The following CCSAP variants were observed in gnomAD, a reference collection of about 807,000 sequenced individuals.
CCSAP encodes centriole, cilia and spindle associated protein.
Under a neutral mutation model 25.9 loss-of-function variants are expected in CCSAP, and 17 were observed. The ratio of observed to expected loss-of-function variants is 0.66; its 90% CI spans 0.45 to 0.99. CCSAP has a LOEUF of 0.99. CCSAP is among the 50% of genes least tolerant of loss of function. The pLI is 0.00. For missense variants in CCSAP, 339 were observed against 367.8 expected (o/e 0.92, Z 0.64); for synonymous variants, 169 against 157.1 (o/e 1.08, Z -0.57).
intron 2 of CCSAP, among the ~76,000 whole-genome samples, chr1:229,341,191 C>T (rs1415859070): frequency 8.2e-5 from 5 of 60,796 alleles, no homozygotes; most frequent in Non-Finnish European, 1.6e-4. Flanking sequence ...GAGACTCCGT[C>T]TCAAAAAAAA....
In CCSAP at chr1:229,337,678, A is replaced by AAAAAAAAAAAAAAATATAT; in HGVS notation, c.367+4420_367+4421insATATATTTTTTTTTTTTTT. Among the ~76,000 whole-genome samples the AAAAAAAAAAAAAAATATAT allele has an allele frequency of 4.6e-4, 30 of 65,450 alleles. 1 individual carries two copies. The highest frequency in any genetic ancestry group is 1.2e-3 in the South Asian group (3 of 2,486). 42.9% of individuals were successfully genotyped at this position (65,450 alleles called of 152,430 possible). Reference sequence around the variant, plus strand: ...GAACAAGATCAAAGGCTCAAAAAAAAATATATATATATATATATATACACA... The same window carrying AAAAAAAAAAAAAAATATAT: ...GAACAAGATCAAAGGCTCAAAAAAAAAAAAAAAAAAAAAATATATATATATATATATATATATATACACA... On this transcript the variant is annotated intron_variant, in intron 2 of 3. Transcript: ENST00000284617.
chr1:229,340,834 G>A (rs1251555768), intron 2 of CCSAP, among the ~76,000 whole-genome samples: 1 of 152,114 alleles, frequency 6.6e-6, no homozygotes, highest in Non-Finnish European at 1.5e-5. Flanking sequence ...CTTGCAATCG[G>A]GTAAACAAAA....
chr1:229,342,493 C>A lies in CCSAP; in HGVS notation c.-28G>T. 7.6e-7 allele frequency: 1 copy of A among 1,317,900 alleles called. No homozygotes were observed. Among genetic ancestry groups the A allele is most frequent in the Non-Finnish European group, 9.7e-7 (1 of 1,028,666 alleles). 81.6% of individuals were successfully genotyped at this position (1,317,900 alleles called of 1,614,324 possible). A position where few individuals can be genotyped will look rare whatever the true frequency, so the allele number is the denominator to read the frequency against. ...TGCCGTCCGCCGCCTCGAGCGCCAG[C>A]CGCTCCTCGCTGCCCGCAGCCTACG... On this transcript the variant is annotated 5_prime_UTR_variant, in exon 2 of 4. Transcript: ENST00000284617. This position sits in a 1 kb window ranked among gnomAD's most constrained non-coding sequence, Gnocchi z 7.5.
At chr1:229,335,252 A>G (rs1468517118) in intron 2 of CCSAP, among the ~76,000 whole-genome samples, 3 of 152,164 alleles carry the variant, frequency 2.0e-5, no homozygotes, top group Non-Finnish European at 4.4e-5. Context: ...CCAGGAGGTC[A>G]ATGCTACAGA....
intron 2 of CCSAP, among the ~76,000 whole-genome samples, chr1:229,337,537 C>T (rs1419635459): frequency 6.7e-6 from 1 of 149,884 alleles, no homozygotes; most frequent in East Asian, 1.9e-4. Flanking sequence ...AGGAACAGGC[C>T]AAGCAAAAGG....
At chr1:229,336,535 G>A (rs1012487773) in intron 2 of CCSAP, among the ~76,000 whole-genome samples, 3 of 152,142 alleles carry the variant, frequency 2.0e-5, no homozygotes, top group East Asian at 1.9e-4. Context: ...CTCAAGAGAC[G>A]CTGGCAGGTA....
chr1:229,333,651 G>A (rs965945240), intron 2 of CCSAP, among the ~76,000 whole-genome samples: 7 of 151,956 alleles, frequency 4.6e-5, no homozygotes, highest in Non-Finnish European at 7.4e-5. Context: ...AAGCTGAGGC[G>A]GGTGCATAGC....
At position 229,332,354 on chromosome 1, in the gene CCSAP, T is replaced by C. The variant is rs191740166; in HGVS notation, c.368-5348A>G. ...CCTCAACCTGTGGGACCTGATGCTATCTCCAGGCAGACAGTGTCGGAACTG... is the reference window on the plus strand; with the variant it reads ...CCTCAACCTGTGGGACCTGATGCTACCTCCAGGCAGACAGTGTCGGAACTG... On this transcript the variant is annotated intron_variant, in intron 2 of 3. Transcript: ENST00000284617. Among the ~76,000 whole-genome samples, 34 of 151,912 alleles carry C rather than the reference T, an allele frequency of 2.2e-4. 1 individual carries two copies. The highest frequency in any genetic ancestry group is 8.0e-4 in the African/African-American group (33 of 41,186).
Position 229,340,685 on chromosome 1 carries a change from G to A in CCSAP, c.367+1414C>T, listed in dbSNP as rs146133589. The A allele has an allele frequency of 6.9e-4, 276 of 398,948 alleles. 3 individuals carry two copies. The East Asian group carries it at 8.2e-3, about 12-fold the overall frequency. 24.7% of individuals were successfully genotyped at this position (398,948 alleles called of 1,614,324 possible). ...GGGATTCACAAGTAACATCATGATG[G>A]GAGGAGGCAGCCCTGCCTCCGATGA... On this transcript the variant is annotated intron_variant, in intron 2 of 3. Transcript: ENST00000284617.
intron 2 of CCSAP, among the ~76,000 whole-genome samples, chr1:229,337,869 CTG>C (rs1484240746): frequency 2.0e-5 from 3 of 150,662 alleles, no homozygotes; most frequent in Non-Finnish European, 3.0e-5. Context: ...AAATAAGAAA[CTG>C]TGATAGGCAG....
At chr1:229,335,742 C>T (rs548418106) in intron 2 of CCSAP, among the ~76,000 whole-genome samples, 1 of 152,088 alleles carries the variant, frequency 6.6e-6, no homozygotes, top group Non-Finnish European at 1.5e-5. Flanking sequence ...ACAGCCCAGC[C>T]GGGTCCCTCC....
At position 229,323,718 on chromosome 1, in the gene CCSAP, C is replaced by T. The variant is rs555312546; in HGVS notation, c.*1517G>A. 1 of 152,256 alleles carries T rather than the reference C, an allele frequency of 6.6e-6. No individual in the cohort carries two copies. The highest frequency in any genetic ancestry group is 2.4e-5 in the African/African-American group (1 of 41,550). 9.4% of individuals were successfully genotyped at this position (152,256 alleles called of 1,614,324 possible). A position where few individuals can be genotyped will look rare whatever the true frequency, so the allele number is the denominator to read the frequency against. ...AATATTTAAAAAGTTTTTTTAAGCTCACAATACTTCAGTATGTGTTTTCAA... is the reference window on the plus strand; with the variant it reads ...AATATTTAAAAAGTTTTTTTAAGCTTACAATACTTCAGTATGTGTTTTCAA... On this transcript the variant is annotated 3_prime_UTR_variant, in exon 4 of 4. Transcript: ENST00000284617.
chr1:229,327,438 C>G, intron 2 of CCSAP: 1 of 434,568 alleles, frequency 2.3e-6, no homozygotes, highest in Non-Finnish European at 4.7e-6. Context: ...TTACTCCACC[C>G]GAAAATGCTC....
intron 2 of CCSAP, among the ~76,000 whole-genome samples, chr1:229,333,431 GAAAA>G (rs368401348): frequency 9.9e-5 from 7 of 70,476 alleles, no homozygotes; most frequent in Non-Finnish European, 1.3e-4. Flanking sequence ...AGACTCCATC[GAAAA>G]AAAAAAAAAA....
chr1:229,322,432 T>C lies in CCSAP; in HGVS notation c.*2803A>G, dbSNP rs921142485. On this transcript the variant is annotated 3_prime_UTR_variant, in exon 4 of 4. Coordinates refer to ENST00000284617, the MANE Select transcript of CCSAP (RefSeq NM_145257.5). ...ATGTGCCTCCTACCTAATACGCAAG[T>C]AAGATCACCTATAGCCTATTATACA... 1 of 152,220 alleles carries C rather than the reference T, an allele frequency of 6.6e-6. No homozygotes were observed. The highest frequency in any genetic ancestry group is 2.4e-5 in the African/African-American group (1 of 41,460). The allele number at this position is 152,220 out of a possible 1,614,324, so 9.4% of individuals were successfully genotyped here.
Position 229,323,706 on chromosome 1 carries a change from T to A in CCSAP, c.*1529A>T, listed in dbSNP as rs1408477333. The A allele has an allele frequency of 6.6e-6, 1 of 152,210 alleles. No individual in the cohort carries two copies. The highest frequency in any genetic ancestry group is 1.5e-5 in the Non-Finnish European group (1 of 68,034). The allele number at this position is 152,210 out of a possible 1,614,324, so 9.4% of individuals were successfully genotyped here. A position where few individuals can be genotyped will look rare whatever the true frequency, so the allele number is the denominator to read the frequency against. ...CAAAACTATGCAAATATTTAAAAAG[T>A]TTTTTTAAGCTCACAATACTTCAGT... On this transcript the variant is annotated 3_prime_UTR_variant, in exon 4 of 4. Coordinates refer to ENST00000284617, the MANE Select transcript of CCSAP (RefSeq NM_145257.5).
chr1:229,324,048 G>A lies in CCSAP; in HGVS notation c.*1187C>T, dbSNP rs970001423. ...ACCCCCAAAGCAAACATACTAAAGAGAAGGAGCACTATTTACATAAATTTG... is the reference window on the plus strand; with the variant it reads ...ACCCCCAAAGCAAACATACTAAAGAAAAGGAGCACTATTTACATAAATTTG... On this transcript the variant is annotated 3_prime_UTR_variant, in exon 4 of 4. Transcript: ENST00000284617. The A allele has an allele frequency of 6.6e-6, 1 of 152,586 alleles. No individual in the cohort carries two copies. The highest frequency in any genetic ancestry group is 2.4e-5 in the African/African-American group (1 of 41,420). 9.5% of individuals were successfully genotyped at this position (152,586 alleles called of 1,614,324 possible).
intron 2 of CCSAP, among the ~76,000 whole-genome samples, chr1:229,328,340 G>A (rs923926078): frequency 3.3e-5 from 5 of 151,926 alleles, no homozygotes; most frequent in African/African-American, 7.3e-5. Context: ...CTCACTTGTT[G>A]CCCAGGCTGG....
chr1:229,327,255 C>G (rs1657962096), intron 2 of CCSAP: 3 of 370,038 alleles, frequency 8.1e-6, no homozygotes, highest in Non-Finnish European at 9.9e-6. Context: ...ACCACTGCTA[C>G]TCCGATTCTG....
Sources: allele counts gnomAD v4.1 joint callset (sites outside exome capture counted in the v4.1 genomes callset), GRCh38; gene constraint gnomAD v4.1.1; non-coding constraint Gnocchi (gnomAD v3.1); transcripts MANE v1.5; gene names NCBI Gene and HGNC (gene_info 2026-07-23, HGNC 2026-07-21).